NFAT5: variants seen among roughly 807,000 people sequenced by gnomAD.
NFAT5 encodes the protein nuclear factor of activated T-cells 5.
Under a neutral mutation model 166.5 loss-of-function variants are expected in NFAT5, and 31 were observed. That is an observed-to-expected ratio of 0.19 (90% CI 0.14 to 0.25). The LOEUF is 0.25. Ranked by LOEUF, NFAT5 falls within the 10% of genes least tolerant of loss-of-function variation. NFAT5 has a pLI of 1.00. For missense variants in NFAT5, 1,449 were observed against 1,821.8 expected (o/e 0.80, Z 3.72); for synonymous variants, 612 against 639.7 (o/e 0.96, Z 0.65).
chr16:69,683,150 G>T (rs1439548529), intron 10 of NFAT5, among the ~76,000 whole-genome samples: 2 of 152,176 alleles, frequency 1.3e-5, no homozygotes, highest in African/African-American at 4.8e-5. Context: ...GGCGGAGGTT[G>T]CAGTGAGCTG....
intron 10 of NFAT5, among the ~76,000 whole-genome samples, chr16:69,680,506 G>A (rs1226556162): frequency 6.6e-6 from 1 of 152,114 alleles, no homozygotes; most frequent in African/African-American, 2.4e-5. Flanking sequence ...CAACTTTTAA[G>A]TATTCTACTT....
At chr16:69,604,788 T>C (rs2033318550) in intron 2 of NFAT5, among the ~76,000 whole-genome samples, 1 of 152,224 alleles carries the variant, frequency 6.6e-6, no homozygotes, top group African/African-American at 2.4e-5. Context: ...TTGCTATGGA[T>C]TTGCCTATTC....
At chr16:69,636,568 A>T (rs2034977505) in intron 3 of NFAT5, among the ~76,000 whole-genome samples, 1 of 152,170 alleles carries the variant, frequency 6.6e-6, no homozygotes, top group Admixed American at 6.5e-5. Context: ...AGGTTCCCAA[A>T]TCTCAATTCT....
intron 2 of NFAT5, among the ~76,000 whole-genome samples, chr16:69,591,593 A>G (rs2151526374): frequency 1.3e-5 from 2 of 152,298 alleles, no homozygotes; most frequent in South Asian, 4.1e-4. Context: ...ACATTATGCT[A>G]GTGCCTTTAA....
intron 3 of NFAT5, among the ~76,000 whole-genome samples, chr16:69,643,119 A>C (rs1270169716): frequency 6.6e-6 from 1 of 151,316 alleles, no homozygotes; most frequent in Non-Finnish European, 1.5e-5. Flanking sequence ...CAGGAGGCTA[A>C]GGCGGGAGAA....
chr16:69,651,522 G>C (rs1217354746), intron 4 of NFAT5, among the ~76,000 whole-genome samples: 1 of 152,094 alleles, frequency 6.6e-6, no homozygotes, highest in Non-Finnish European at 1.5e-5. Flanking sequence ...GTTTGAAGTC[G>C]TAATATTCCT....
intron 2 of NFAT5, among the ~76,000 whole-genome samples, chr16:69,595,418 G>T (rs781115618): frequency 2.6e-5 from 4 of 152,162 alleles, no homozygotes; most frequent in Admixed American, 2.6e-4. Flanking sequence ...TGTTGCTCAT[G>T]GGTTTCTGGT....
intron 2 of NFAT5, among the ~76,000 whole-genome samples, chr16:69,575,356 C>T (rs2016685654): frequency 6.6e-6 from 1 of 152,028 alleles, no homozygotes; most frequent in South Asian, 2.1e-4. Flanking sequence ...TTAGTAGAGA[C>T]AGGGTTTCAC....
chr16:69,606,314 A>G (rs33063), intron 2 of NFAT5, among the ~76,000 whole-genome samples: 136,319 of 152,182 alleles, frequency 0.9, 61,280 homozygotes, highest in African/African-American at 0.97. Context: ...ATATCAATTA[A>G]AGAAATTGGC....
intron 2 of NFAT5, among the ~76,000 whole-genome samples, chr16:69,614,517 G>A (rs1481154122): frequency 6.6e-6 from 1 of 152,110 alleles, no homozygotes; most frequent in Non-Finnish European, 1.5e-5. Flanking sequence ...GAACAATCTT[G>A]AACCTACAAA....
Position 69,700,266 on chromosome 16 carries a change from A to AGTTTGG in NFAT5, c.*3916_*3921dup, listed in dbSNP as rs1330721174. Reference sequence around the variant, plus strand: ...TTTTTTGTAATATCACATGTGCTGTAGTTTGGAATTTTATTCTAGTGCATT... The same window carrying AGTTTGG: ...TTTTTTGTAATATCACATGTGCTGTAGTTTGGGTTTGGAATTTTATTCTAGTGCATT... On this transcript the variant is annotated 3_prime_UTR_variant, in exon 15 of 15. Coordinates refer to ENST00000349945, the MANE Select transcript of NFAT5 (RefSeq NM_138713.4). The AGTTTGG allele has an allele frequency of 1.3e-5, 2 of 151,384 alleles. No homozygotes were observed. The highest frequency in any genetic ancestry group is 4.9e-5 in the African/African-American group (2 of 41,108). 9.4% of individuals were successfully genotyped at this position (151,384 alleles called of 1,614,324 possible).
chr16:69,693,029 T>C lies in NFAT5; in HGVS notation c.3204T>C (p.Asn1068=), dbSNP rs766176554. The part of the protein sequence containing the change: ...QQGNGLFQQG[N]EMMSLQSGNF... ...GTAATGGTTTATTCCAGCAAGGGAA[T>C]GAGATGATGTCACTTCAATCTGGAA... Residue 1068 remains asparagine (N), a synonymous_variant, in exon 13 of 15, where the codon AAT becomes AAC. Transcript: ENST00000349945. 1.2e-6 allele frequency: 2 copies of C among 1,614,116 alleles called. No individual in the cohort carries two copies. The highest frequency in any genetic ancestry group is 2.2e-5 in the South Asian group (2 of 91,092).
chr16:69,603,958 A>G (rs74026884), intron 2 of NFAT5, among the ~76,000 whole-genome samples: 2,702 of 152,266 alleles, frequency 0.018, 80 homozygotes, highest in African/African-American at 0.062. Context: ...TTTTAGCTAT[A>G]TTATACTTAA....
chr16:69,682,965 A>C (rs1042816707), intron 10 of NFAT5, among the ~76,000 whole-genome samples: 12 of 152,164 alleles, frequency 7.9e-5, no homozygotes, highest in African/African-American at 2.9e-4. Flanking sequence ...GAATCCCAGC[A>C]CTTTGGGAGA....
intron 2 of NFAT5, among the ~76,000 whole-genome samples, chr16:69,573,974 C>T (rs529070995): frequency 4.0e-5 from 6 of 150,498 alleles, no homozygotes; most frequent in Admixed American, 2.0e-4. Context: ...CAGGTTCAAG[C>T]GATTTCCCTG....
At chr16:69,662,488 G>A (rs568933330) in intron 7 of NFAT5, among the ~76,000 whole-genome samples, 10 of 117,910 alleles carry the variant, frequency 8.5e-5, no homozygotes, top group African/African-American at 3.1e-4. Context: ...ACGGAGTCTC[G>A]CTCTGTTGCC....
chr16:69,614,878 C>CT (rs55841097), intron 2 of NFAT5, among the ~76,000 whole-genome samples: 104,183 of 130,924 alleles, frequency 0.8, 41,745 homozygotes, highest in East Asian at 0.87. Flanking sequence ...TTTCTTTTTC[C>CT]TTTTTTTTTT....
At chr16:69,658,278 T>C (rs2035977300) in intron 6 of NFAT5, among the ~76,000 whole-genome samples, 1 of 151,738 alleles carries the variant, frequency 6.6e-6, no homozygotes, top group African/African-American at 2.4e-5. Context: ...AGGCCAGGAC[T>C]TTGAGACCAG....
chr16:69,599,605 T>C (rs1052673745), intron 2 of NFAT5, among the ~76,000 whole-genome samples: 2 of 151,886 alleles, frequency 1.3e-5, no homozygotes, highest in African/African-American at 4.8e-5. Context: ...GTGAAAAAAA[T>C]AAAGCAGGGT....
Sources: allele counts gnomAD v4.1 joint callset (sites outside exome capture counted in the v4.1 genomes callset), GRCh38; gene constraint gnomAD v4.1.1; transcripts MANE v1.5; gene names NCBI Gene and HGNC (gene_info 2026-07-23, HGNC 2026-07-21).